Variants in DDX60 observed in about 807,000 individuals in gnomAD.
The protein encoded by DDX60 is probable ATP-dependent RNA helicase DDX60.
Under a neutral mutation model 212.8 loss-of-function variants are expected in DDX60, and 165 were observed. The ratio of observed to expected loss-of-function variants is 0.78; its 90% CI spans 0.68 to 0.88. The LOEUF (loss-of-function observed/expected upper bound fraction) is 0.88. Ranked by LOEUF, DDX60 falls within the 40% of genes least tolerant of loss-of-function variation. The pLI is 0.00. For synonymous variants in DDX60, 703 were observed against 685.3 expected, an observed-to-expected ratio of 1.03 and a Z score of -0.40; for missense variants, 1,905 against 2,003.9, an observed-to-expected ratio of 0.95 and a Z score of 0.94.
In DDX60 at chr4:168,246,962, C is replaced by T. The variant is rs775324740; in HGVS notation, c.3964-344G>A. ...TCACTTACAGCTGAACTCTAATATACCAATTTTCTCTCCCGGCCCATCTTC... is the reference window on the plus strand; with the variant it reads ...TCACTTACAGCTGAACTCTAATATATCAATTTTCTCTCCCGGCCCATCTTC... On this transcript the variant is annotated intron_variant, in intron 29 of 37. Coordinates refer to ENST00000393743, the MANE Select transcript of DDX60 (RefSeq NM_017631.6). Among the ~76,000 whole-genome samples the T allele has an allele frequency of 4.3e-4, 65 of 152,140 alleles. 1 individual carries two copies. Among genetic ancestry groups the T allele is most frequent in the Admixed American group, 3.9e-3 (60 of 15,272 alleles).
At chr4:168,290,328 C>CTTTTT (rs547452038) in intron 8 of DDX60, among the ~76,000 whole-genome samples, 122 of 124,192 alleles carry the variant, frequency 9.8e-4, no homozygotes, top group Non-Finnish European at 1.4e-3. Flanking sequence ...CTTTTCTTTT[C>CTTTTT]TTTTTTTTTT....
At chr4:168,234,974 C>T (rs144780971) in intron 33 of DDX60, among the ~76,000 whole-genome samples, 344 of 152,120 alleles carry the variant, frequency 2.3e-3, no homozygotes, top group African/African-American at 5.7e-3. Flanking sequence ...AGTTAGTCTT[C>T]GTCTTCTCAA....
intron 30 of DDX60, among the ~76,000 whole-genome samples, chr4:168,244,755 A>G (rs780484459): frequency 3.8e-4 from 58 of 151,988 alleles, no homozygotes; most frequent in Non-Finnish European, 1.2e-4. Flanking sequence ...AAGAAAAAAA[A>G]AGAATTTCAG....
At chr4:168,307,094 G>C (rs1196997205) in intron 4 of DDX60, among the ~76,000 whole-genome samples, 1 of 152,196 alleles carries the variant, frequency 6.6e-6, no homozygotes, top group Non-Finnish European at 1.5e-5. Flanking sequence ...TTAGAGGATT[G>C]CTCCAGGTTA....
rs188891079 is a variant in DDX60 at position 168,291,496 on chromosome 4, C to T, written c.1041+252G>A. Among the ~76,000 whole-genome samples, 3 of 152,268 alleles carry T rather than the reference C, an allele frequency of 2.0e-5. No individual in the cohort carries two copies. In the East Asian group the frequency reaches 5.8e-4, roughly 29 times the overall value. ...TCAACTACAGTTGATAACACAAAAA[C>T]CTGACCTTGGCAGAGATTTAACAAA... On this transcript the variant is annotated intron_variant, in intron 8 of 37. Transcript: ENST00000393743.
At position 168,291,833 on chromosome 4, in the gene DDX60, A is replaced by G. The variant is rs775187193; in HGVS notation, c.956T>C (p.Leu319Pro). The change falls in exon 8 of 38, where the codon CTA becomes CCA. Residue 319 changes from leucine (L) to proline (P), a missense_variant. Leu to Pro is a moderately conservative substitution (Grantham distance 98, BLOSUM62 -3). Coordinates refer to ENST00000393743, the MANE Select transcript of DDX60 (RefSeq NM_017631.6). ...TCTTTGAGAAAGAGGCAGATGGAGTAGAAAAACCACAGTGAGACAATGCAG... is the reference window on the plus strand; with the variant it reads ...TCTTTGAGAAAGAGGCAGATGGAGTGGAAAAACCACAGTGAGACAATGCAG... Reference protein sequence around the residue: ...CKLHCLTVVFLLHLPLSQRAC... With the variant: ...CKLHCLTVVFPLHLPLSQRAC... 1 of 1,613,922 alleles carries G rather than the reference A, an allele frequency of 6.2e-7. No homozygotes were observed. Among genetic ancestry groups the G allele is most frequent in the Admixed American group, 1.7e-5 (1 of 60,006 alleles).
chr4:168,284,984 A>T, intron 11 of DDX60, 49 bp from the exon 12 acceptor site: 1 of 884,488 alleles, frequency 1.1e-6, no homozygotes, highest in Non-Finnish European at 1.8e-6. Flanking sequence ...TCCAAATATA[A>T]CACAGCACAG....
chr4:168,272,015 T>A, intron 19 of DDX60, 28 bp downstream of exon 19: 1 of 1,502,784 alleles, frequency 6.7e-7, no homozygotes, highest in Non-Finnish European at 9.1e-7. Context: ...CACTAGGGAA[T>A]TAAGCAAAGA....
intron 9 of DDX60, 97 bp from the exon 10 acceptor site, chr4:168,287,300 T>C (rs1295022758): frequency 1.7e-6 from 2 of 1,172,358 alleles, no homozygotes; most frequent in Non-Finnish European, 2.5e-6. Context: ...AATTCTGAAA[T>C]ACTTTCCACA....
At chr4:168,270,688 A>T (rs1735052228) in intron 19 of DDX60, among the ~76,000 whole-genome samples, 1 of 152,212 alleles carries the variant, frequency 6.6e-6, no homozygotes, top group African/African-American at 2.4e-5. Flanking sequence ...ATAATAAATC[A>T]GTATCAAACA....
At chr4:168,263,677 G>A (rs1734718528) in intron 22 of DDX60, 1 of 151,928 alleles carries the variant, frequency 6.6e-6, no homozygotes, top group Non-Finnish European at 1.5e-5. Flanking sequence ...GCCATGTGAG[G>A]GCACAGCAAG....
At chr4:168,310,500 T>C (rs1183270354) in intron 3 of DDX60, among the ~76,000 whole-genome samples, 1 of 152,194 alleles carries the variant, frequency 6.6e-6, no homozygotes, top group African/African-American at 2.4e-5. Context: ...GTTTTGGGAT[T>C]TTCTCTTCAT....
intron 33 of DDX60, among the ~76,000 whole-genome samples, chr4:168,225,927 A>G (rs1399420447): frequency 1.3e-5 from 2 of 152,094 alleles, no homozygotes; most frequent in Non-Finnish European, 2.9e-5. Context: ...ATACTGAATC[A>G]AAACCACTTT....
intron 35 of DDX60, among the ~76,000 whole-genome samples, chr4:168,223,098 AAAAAG>A (rs1374805722): frequency 6.6e-6 from 1 of 152,184 alleles, no homozygotes; most frequent in East Asian, 1.9e-4. Flanking sequence ...TGTAGTTTTT[AAAAAG>A]AAAAGTGAAA....
intron 33 of DDX60, 21 bp from the exon 34 acceptor site, chr4:168,225,697 A>G (rs760960753): frequency 6.2e-7 from 1 of 1,605,226 alleles, no homozygotes; most frequent in South Asian, 1.1e-5. Flanking sequence ...AATAATTTTC[A>G]TAGAGATAGA....
intron 22 of DDX60, among the ~76,000 whole-genome samples, chr4:168,264,654 G>T (rs1009778391): frequency 6.6e-6 from 1 of 152,146 alleles, no homozygotes; most frequent in African/African-American, 2.4e-5. Context: ...GATTTCTTAT[G>T]AGAATTATAT....
chr4:168,289,893 T>C (rs558012612), intron 8 of DDX60, among the ~76,000 whole-genome samples: 1 of 152,292 alleles, frequency 6.6e-6, no homozygotes, highest in East Asian at 1.9e-4. Flanking sequence ...CCATCAACAC[T>C]TACATGACTG....
chr4:168,314,919 C>T (rs1422677003), intron 1 of DDX60, among the ~76,000 whole-genome samples: 3 of 152,098 alleles, frequency 2.0e-5, no homozygotes, highest in South Asian at 2.1e-4. Context: ...GAGAAAACTA[C>T]GCCTAGGCAC....
chr4:168,275,995 A>C lies in DDX60; in HGVS notation c.2145+20T>G, dbSNP rs1579035876. The C allele has an allele frequency of 6.3e-7, 1 of 1,586,524 alleles. No homozygotes were observed. On this transcript the variant is annotated intron_variant, in intron 15 of 37. Coordinates refer to ENST00000393743, the MANE Select transcript of DDX60 (RefSeq NM_017631.6). ...CCTAATAATTACCCTGTTGAAATTG[A>C]GCTATTCTGATAATATTACCTGGGC...
Sources: allele counts gnomAD v4.1 joint callset (sites outside exome capture counted in the v4.1 genomes callset), GRCh38; gene constraint gnomAD v4.1.1; transcripts MANE v1.5; gene names NCBI Gene and HGNC (gene_info 2026-07-23, HGNC 2026-07-21).